ANO5: variants seen among roughly 807,000 people sequenced by gnomAD.
ANO5 encodes the protein anoctamin-5.
In ANO5, 109 loss-of-function variants were observed where a neutral mutation model predicts 121.0. The ratio of observed to expected loss-of-function variants is 0.90; its 90% CI spans 0.77 to 1.06. ANO5 has a LOEUF of 1.06. Among genes scored for constraint, ANO5 ranks in the 50% least tolerant of loss-of-function variants. ANO5 has a pLI of 0.00. For synonymous variants in ANO5, 406 were observed against 359.9 expected (o/e 1.13, Z -1.45); for missense variants, 1,064 against 1,078.5 (o/e 0.99, Z 0.19).
In ANO5 at chr11:22,262,274, A is replaced by G. The variant is rs1391565574; in HGVS notation, c.1776A>G (p.Leu592=). ...GCTATCCTGGAAAATACACATATTT[A>G]TTTAATGAGTGGAGAAGTGAAGAGG... ...FVGYPGKYTY[L]FNEWRSEECD... The change falls in exon 16 of 22, where the codon TTA becomes TTG. Residue 592 remains leucine, a synonymous_variant. Transcript: ENST00000324559. 7 of 1,613,742 alleles carry G rather than the reference A, an allele frequency of 4.3e-6. No homozygotes were observed. The highest frequency in any genetic ancestry group is 5.9e-6 in the Non-Finnish European group (7 of 1,179,946).
chr11:22,273,059 G>T, intron 19 of ANO5, 70 bp downstream of exon 19: 1 of 1,403,154 alleles, frequency 7.1e-7, no homozygotes, highest in Non-Finnish European at 1.0e-6. Flanking sequence ...TGTGAATGAT[G>T]CTTAATCTTT....
chr11:22,248,518 G>C (rs1195376658), intron 9 of ANO5, among the ~76,000 whole-genome samples: 1 of 151,958 alleles, frequency 6.6e-6, no homozygotes, highest in East Asian at 1.9e-4. Flanking sequence ...AATATCTCCT[G>C]CTTTCTGAGA....
chr11:22,254,991 C>T (rs1853946506), intron 12 of ANO5, among the ~76,000 whole-genome samples: 2 of 151,788 alleles, frequency 1.3e-5, no homozygotes, highest in Admixed American at 1.3e-4. Flanking sequence ...CCTGAGAAAG[C>T]AGTACAAAGA....
chr11:22,249,626 A>G (rs1170525352), intron 9 of ANO5, among the ~76,000 whole-genome samples: 3 of 152,122 alleles, frequency 2.0e-5, no homozygotes, highest in Admixed American at 6.5e-5. Flanking sequence ...TCACTTTTCA[A>G]TTCTTTGAAA....
chr11:22,223,413 G>A (rs1852721808), intron 5 of ANO5, among the ~76,000 whole-genome samples: 1 of 151,966 alleles, frequency 6.6e-6, no homozygotes, highest in Non-Finnish European at 1.5e-5. Context: ...TATCTATTGG[G>A]CAAGCCCATT....
At chr11:22,206,056 A>G (rs1016468807) in intron 2 of ANO5, among the ~76,000 whole-genome samples, 2 of 152,170 alleles carry the variant, frequency 1.3e-5, no homozygotes, top group Admixed American at 6.6e-5. Context: ...AATTAACATT[A>G]ATTTTATACA....
Position 22,262,944 on chromosome 11 carries a change from A to G in ANO5, c.1801-2A>G. 6.2e-7 allele frequency: 1 copy of G among 1,607,710 alleles called. No homozygotes were observed. The highest frequency in any genetic ancestry group is 8.5e-7 in the Non-Finnish European group (1 of 1,174,374). On this transcript the variant is annotated splice_acceptor_variant, in intron 16 of 21. Transcript: ENST00000324559. LOFTEE classifies it high-confidence loss of function. ...GTTTTCTCCCCTCTTGCTTCTGACT[A>G]GTGTGATCCTGGAGGCTGTCTTATA...
intron 3 of ANO5, among the ~76,000 whole-genome samples, chr11:22,212,899 G>C (rs895852207): frequency 1.3e-5 from 2 of 150,660 alleles, no homozygotes; most frequent in Non-Finnish European, 3.0e-5. Flanking sequence ...AGAAGTTGCA[G>C]ATACTTTCCT....
chr11:22,266,656 G>A (rs928238453), intron 17 of ANO5, among the ~76,000 whole-genome samples: 1 of 151,810 alleles, frequency 6.6e-6, no homozygotes, highest in African/African-American at 2.4e-5. Context: ...TCTGGTTACT[G>A]GTTTTTGTTT....
chr11:22,210,020 A>G (rs1191601818), intron 2 of ANO5, among the ~76,000 whole-genome samples: 2 of 152,002 alleles, frequency 1.3e-5, no homozygotes, highest in African/African-American at 4.8e-5. Context: ...TTGAGTGATC[A>G]AGATACTCAT....
chr11:22,240,253 G>T (rs1446536671), intron 9 of ANO5, among the ~76,000 whole-genome samples: 2 of 151,912 alleles, frequency 1.3e-5, no homozygotes, highest in Non-Finnish European at 2.9e-5. Context: ...CATTAGCTAA[G>T]CAAGAAGACT....
chr11:22,251,155 G>A lies in ANO5; in HGVS notation c.1180+144G>A, dbSNP rs1344373114. 2.9e-5 allele frequency: 25 copies of A among 855,700 alleles called. No homozygotes were observed. In the Admixed American group the frequency reaches 3.6e-4, roughly 12 times the overall value. 53.0% of individuals were successfully genotyped at this position (855,700 alleles called of 1,614,324 possible). On this transcript the variant is annotated intron_variant, in intron 12 of 21. Transcript: ENST00000324559. ...TCTTTGTTAGCATTAATATACTGAT[G>A]GAGTGCATATTAGTGGCCATTAGTT...
At chr11:22,245,827 T>C (rs1247037920) in intron 9 of ANO5, among the ~76,000 whole-genome samples, 1 of 152,180 alleles carries the variant, frequency 6.6e-6, no homozygotes. Context: ...GTTTTGACTG[T>C]GGCTCATCAC....
chr11:22,193,339 C>T lies in ANO5; in HGVS notation c.-154C>T, dbSNP rs1014982946. On this transcript the variant is annotated 5_prime_UTR_variant, in exon 1 of 22. Coordinates refer to ENST00000324559, the MANE Select transcript of ANO5 (RefSeq NM_213599.3). ...AGTCCGAGGAGGAGGAGAAGGAGGC[C>T]TGCAGAAGGAAGAGCAGGCCCTTAG... 7 of 1,355,138 alleles carry T rather than the reference C, an allele frequency of 5.2e-6. No homozygotes were observed. Among genetic ancestry groups the T allele is most frequent in the Non-Finnish European group, 9.4e-7 (1 of 1,059,000 alleles). The allele number at this position is 1,355,138 out of a possible 1,614,324, so 83.9% of individuals were successfully genotyped here. A position where few individuals can be genotyped will look rare whatever the true frequency, so the allele number is the denominator to read the frequency against.
chr11:22,195,188 G>A (rs1022672233), intron 1 of ANO5, among the ~76,000 whole-genome samples: 1 of 152,146 alleles, frequency 6.6e-6, no homozygotes, highest in African/African-American at 2.4e-5. Context: ...ACTGACTAAT[G>A]TAGCAAGTAT....
chr11:22,268,903 A>G (rs946331177), intron 17 of ANO5, among the ~76,000 whole-genome samples: 4 of 152,088 alleles, frequency 2.6e-5, no homozygotes, highest in African/African-American at 9.7e-5. Context: ...CTTTAGTCCC[A>G]GCTACTTGAG....
upstream of ANO5, among the ~76,000 whole-genome samples, chr11:22,192,617 G>A (rs1351813538): frequency 3.3e-5 from 5 of 152,238 alleles, no homozygotes; most frequent in South Asian, 2.1e-4. Flanking sequence ...ACTGGGAGAG[G>A]GGTTCTCTCC....
intron 1 of ANO5, among the ~76,000 whole-genome samples, chr11:22,193,913 A>C (rs979380501): frequency 4.6e-5 from 7 of 152,178 alleles, no homozygotes; most frequent in African/African-American, 1.7e-4. Flanking sequence ...AGGCTTTCCC[A>C]AAAAAAGCAG....
chr11:22,231,534 A>G (rs1455534341), intron 7 of ANO5, among the ~76,000 whole-genome samples: 2 of 151,898 alleles, frequency 1.3e-5, no homozygotes, highest in Non-Finnish European at 2.9e-5. Flanking sequence ...ATATTAATCT[A>G]TCTATTCATT....
Sources: gnomAD v4.1 joint callset for allele counts (sites outside exome capture counted in the v4.1 genomes callset) on GRCh38, gnomAD v4.1.1 for gene constraint, MANE v1.5 for transcripts, NCBI Gene and HGNC (gene_info 2026-07-23, HGNC 2026-07-21) for gene names.